LMBR1: variants seen among roughly 807,000 people sequenced by gnomAD.
The protein encoded by LMBR1 is limb development membrane protein 1.
In LMBR1, 52 loss-of-function variants were observed where a neutral mutation model predicts 73.9. That is an observed-to-expected ratio of 0.70 (90% confidence interval 0.56 to 0.89). The LOEUF is 0.89. LMBR1 is among the 40% of genes least tolerant of loss of function. The pLI is 0.00. For missense variants in LMBR1, 539 were observed against 579.8 expected (o/e 0.93, Z 0.72); for synonymous variants, 215 against 209.4 (o/e 1.03, Z -0.23).
intron 4 of LMBR1, among the ~76,000 whole-genome samples, chr7:156,815,477 A>G (rs1259289882): frequency 6.6e-6 from 1 of 152,224 alleles, no homozygotes; most frequent in East Asian, 1.9e-4. Context: ...GGATATTCTA[A>G]GTTTTCTGTA....
downstream of LMBR1, among the ~76,000 whole-genome samples, chr7:156,675,093 C>T (rs1367150739): frequency 2.6e-5 from 4 of 152,164 alleles, no homozygotes; most frequent in Admixed American, 1.3e-4. Context: ...CCTAAGGCAG[C>T]GCAGACCGGA....
chr7:156,792,735 A>G (rs1474052988), intron 5 of LMBR1, among the ~76,000 whole-genome samples: 3 of 152,218 alleles, frequency 2.0e-5, no homozygotes. Context: ...TTGATTTTCA[A>G]TTCAAGCTCT....
At chr7:156,718,550 C>T (rs979400021) in intron 15 of LMBR1, among the ~76,000 whole-genome samples, 1 of 152,030 alleles carries the variant, frequency 6.6e-6, no homozygotes, top group Non-Finnish European at 1.5e-5. Flanking sequence ...ATGGCAAAAC[C>T]CCGTCTCTAC....
chr7:156,761,730 A>T (rs1823029283), intron 8 of LMBR1, among the ~76,000 whole-genome samples: 1 of 152,116 alleles, frequency 6.6e-6, no homozygotes, highest in Admixed American at 6.6e-5. Flanking sequence ...TAATCCCAGC[A>T]CTTTGGGAGG....
chr7:156,855,181 A>G (rs1013829252), intron 1 of LMBR1, among the ~76,000 whole-genome samples: 10 of 152,216 alleles, frequency 6.6e-5, no homozygotes, highest in African/African-American at 2.2e-4. Context: ...ATTCAAAAAT[A>G]TGTGTGTAAT....
chr7:156,741,426 A>T (rs181544030), intron 9 of LMBR1, among the ~76,000 whole-genome samples: 12 of 152,346 alleles, frequency 7.9e-5, no homozygotes, highest in Non-Finnish European at 1.6e-4. Flanking sequence ...ACCTATACAG[A>T]TACGAATAGA....
At chr7:156,747,146 CAATTA>C (rs1321799308) in intron 9 of LMBR1, among the ~76,000 whole-genome samples, 1 of 152,040 alleles carries the variant, frequency 6.6e-6, no homozygotes, top group Non-Finnish European at 1.5e-5. Flanking sequence ...AGTTCAACAC[CAATTA>C]GTTCAAAATT....
chr7:156,805,095 T>C (rs981567216), intron 4 of LMBR1, among the ~76,000 whole-genome samples: 1 of 152,176 alleles, frequency 6.6e-6, no homozygotes, highest in South Asian at 2.1e-4. Context: ...AAAAATCATC[T>C]TCCCACTAAA....
At chr7:156,770,646 G>C (rs1825005221) in intron 5 of LMBR1, among the ~76,000 whole-genome samples, 1 of 152,148 alleles carries the variant, frequency 6.6e-6, no homozygotes, top group Non-Finnish European at 1.5e-5. Flanking sequence ...AGGCACGATG[G>C]CTCATGCTTG....
chr7:156,684,943 G>A (rs1445791592), intron 16 of LMBR1, among the ~76,000 whole-genome samples: 1 of 152,074 alleles, frequency 6.6e-6, no homozygotes, highest in African/African-American at 2.4e-5. Context: ...GGTGACAGAG[G>A]AGACCCTGTC....
chr7:156,724,568 T>C (rs994461129), intron 14 of LMBR1, among the ~76,000 whole-genome samples: 2 of 152,180 alleles, frequency 1.3e-5, no homozygotes, highest in African/African-American at 2.4e-5. Flanking sequence ...AGATCTCTTT[T>C]ATCACATCTA....
chr7:156,739,611 T>C (rs553243641), intron 9 of LMBR1, among the ~76,000 whole-genome samples: 4 of 152,312 alleles, frequency 2.6e-5, no homozygotes, highest in African/African-American at 9.6e-5. Flanking sequence ...ATGCCATTTG[T>C]TTGGAGAAAG....
chr7:156,736,413 T>C, intron 9 of LMBR1: 1 of 414,316 alleles, frequency 2.4e-6, no homozygotes, highest in South Asian at 1.8e-5. Context: ...ATACTTTCTA[T>C]ACTACTTAAG....
intron 16 of LMBR1, among the ~76,000 whole-genome samples, chr7:156,687,093 G>A (rs1323351370): frequency 1.3e-5 from 2 of 152,262 alleles, no homozygotes; most frequent in East Asian, 3.9e-4. Flanking sequence ...AAACATCAAG[G>A]TTGGAAAGGC....
Position 156,677,853 on chromosome 7 carries a change from G to C in LMBR1, c.*6225C>G, listed in dbSNP as rs1804353336. On this transcript the variant is annotated 3_prime_UTR_variant, in exon 17 of 17. Coordinates refer to ENST00000353442, the MANE Select transcript of LMBR1 (RefSeq NM_022458.4). ...TAATTTGGAGAATGCTTTAAACAATGAGTAAGCACTTTTATTCTAAGAGAG... is the reference window on the plus strand; with the variant it reads ...TAATTTGGAGAATGCTTTAAACAATCAGTAAGCACTTTTATTCTAAGAGAG... The C allele has an allele frequency of 6.6e-6, 1 of 152,184 alleles. No individual in the cohort carries two copies. The highest frequency in any genetic ancestry group is 2.4e-5 in the African/African-American group (1 of 41,450). The allele number at this position is 152,184 out of a possible 1,614,324, so 9.4% of individuals were successfully genotyped here. A position where few individuals can be genotyped will look rare whatever the true frequency, so the allele number is the denominator to read the frequency against.
intron 1 of LMBR1, among the ~76,000 whole-genome samples, chr7:156,857,805 T>C (rs540428917): frequency 1.3e-5 from 2 of 152,240 alleles, no homozygotes; most frequent in Admixed American, 6.5e-5. Flanking sequence ...AACTGAAATA[T>C]AGCTGGAAAA....
chr7:156,879,685 G>T (rs1361030875), intron 1 of LMBR1, among the ~76,000 whole-genome samples: 1 of 145,784 alleles, frequency 6.9e-6, no homozygotes, highest in Non-Finnish European at 1.5e-5. Flanking sequence ...AAAAAAAGTG[G>T]GCTAAGGACA....
chr7:156,711,287 G>A (rs1166450416), intron 15 of LMBR1, among the ~76,000 whole-genome samples: 1 of 152,026 alleles, frequency 6.6e-6, no homozygotes, highest in African/African-American at 2.4e-5. Context: ...CTCCAGCCTG[G>A]GCGACAGAGC....
intron 1 of LMBR1, among the ~76,000 whole-genome samples, chr7:156,854,184 T>G (rs1052271252): frequency 6.6e-6 from 1 of 152,008 alleles, no homozygotes; most frequent in African/African-American, 2.4e-5. Flanking sequence ...ATAAAAGAAG[T>G]TAAATTACAG....
Sources: gnomAD v4.1 joint callset for allele counts (sites outside exome capture counted in the v4.1 genomes callset) on GRCh38, gnomAD v4.1.1 for gene constraint, MANE v1.5 for transcripts, NCBI Gene and HGNC (gene_info 2026-07-23, HGNC 2026-07-21) for gene names.